Variants in SOCS2 observed in about 807,000 individuals in gnomAD.
SOCS2 encodes CIS-2.
In SOCS2, 10 loss-of-function variants were observed where a neutral mutation model predicts 18.6. That is an observed-to-expected ratio of 0.54 (90% CI 0.33 to 0.91). The LOEUF (loss-of-function observed/expected upper bound fraction) is 0.91, where lower values mean the gene tolerates loss of function less well. SOCS2 is among the 40% of genes least tolerant of loss of function. The pLI, the probability that SOCS2 is intolerant of heterozygous loss-of-function variation, is 0.02. For synonymous variants in SOCS2, 104 were observed against 104.0 expected (o/e 1.00, Z 0.00); for missense variants, 231 against 247.2 (o/e 0.93, Z 0.44).
chr12:93,595,495 C>A, the SOCS2 span, among the ~76,000 whole-genome samples: 6 of 152,198 alleles, frequency 3.9e-5, no homozygotes, highest in Non-Finnish European at 7.4e-5. Context: ...TCTCACATTT[C>A]TTGCATGTGT....
the SOCS2 span, among the ~76,000 whole-genome samples, chr12:93,621,070 T>C: frequency 1.3e-5 from 2 of 152,194 alleles, no homozygotes; most frequent in African/African-American, 4.8e-5. Context: ...TCAGTGCAAC[T>C]CTTGTCCTTT....
chr12:93,574,699 T>G, intron 1 of SOCS2, 23 bp from the exon 2 acceptor site: 1 of 1,529,508 alleles, frequency 6.5e-7, no homozygotes, highest in Non-Finnish European at 8.8e-7. Context: ...TCTTTTCTTT[T>G]TCTTTTTGAA....
At chr12:93,572,529 G>A (rs1954292291), upstream of SOCS2, 1 of 432,876 alleles carries the variant, frequency 2.3e-6, no homozygotes, top group Non-Finnish European at 4.3e-6. The surrounding 1 kb of genome is among the most constrained non-coding windows in gnomAD (Gnocchi z 5.0). Context: ...TTTCTCTAGA[G>A]CTGGGCCAGG....
At chr12:93,618,115 C>T in the SOCS2 span, among the ~76,000 whole-genome samples, 1 of 152,148 alleles carries the variant, frequency 6.6e-6, no homozygotes, top group Non-Finnish European at 1.5e-5. Context: ...ACCTCCCACT[C>T]TCTCTTCCGC....
In SOCS2 at chr12:93,572,957, G is replaced by C. The variant is rs767100812; in HGVS notation, c.60G>C (p.Trp20Cys). 1 of 1,568,424 alleles carries C rather than the reference G, an allele frequency of 6.4e-7. No homozygotes were observed. Among genetic ancestry groups the C allele is most frequent in the Admixed American group, 1.9e-5 (1 of 53,954 alleles). ...GNGGEGTRSQWGTAGSAEEPS... is the reference protein window; with the variant it reads ...GNGGEGTRSQCGTAGSAEEPS... ...GCGGGGAAGGGACGCGGAGCCAGTG[G>C]GGGACCGCGGGGTCGGCGGAGGAGC... Residue 20 changes from tryptophan to cysteine, a missense_variant, in exon 1 of 2, where the codon TGG (tryptophan) becomes TGC (cysteine). Trp to Cys is a radical substitution (Grantham distance 215). Coordinates refer to ENST00000551556, the MANE Select transcript of SOCS2 (RefSeq NM_001270471.2). The surrounding 1 kb of genome is among the most constrained non-coding windows in gnomAD (Gnocchi z 5.0).
chr12:93,574,804 T>A lies in SOCS2; in HGVS notation c.222T>A (p.Asp74Glu), dbSNP rs1367297181. 6.2e-7 allele frequency: 1 copy of A among 1,614,190 alleles called. No individual in the cohort carries two copies. The change falls in exon 2 of 2, where the codon GAT becomes GAA. Residue 74 changes from aspartate (D) to glutamate (E), a missense_variant. Asp to Glu is a conservative substitution (Grantham distance 45). Transcript: ENST00000551556. ...CAGAAGGAACTTTCTTGATTAGAGATAGCTCGCATTCAGACTACCTACTAA... is the reference window on the plus strand; with the variant it reads ...CAGAAGGAACTTTCTTGATTAGAGAAAGCTCGCATTCAGACTACCTACTAA... The part of the protein sequence containing the change: ...EAPEGTFLIR[D>E]SSHSDYLLTI...
At chr12:93,588,936 TG>T in the SOCS2 span, among the ~76,000 whole-genome samples, 1 of 152,186 alleles carries the variant, frequency 6.6e-6, no homozygotes, top group African/African-American at 2.4e-5. Flanking sequence ...AGAGTGAATT[TG>T]TTGATAGATC....
At chr12:93,591,413 G>A in the SOCS2 span, among the ~76,000 whole-genome samples, 1 of 152,212 alleles carries the variant, frequency 6.6e-6, no homozygotes, top group South Asian at 2.1e-4. Context: ...AGGAGAAAGC[G>A]TGTGTGCGTT....
At chr12:93,584,471 A>C (rs1366705986), downstream of SOCS2, among the ~76,000 whole-genome samples, 1 of 152,134 alleles carries the variant, frequency 6.6e-6, no homozygotes, top group East Asian at 1.9e-4. Context: ...AGCCACTCTG[A>C]CTCAAAAGCC....
Position 93,574,979 on chromosome 12 carries a change from T to G in SOCS2, c.397T>G (p.Cys133Gly). ...TCTGATCGACTACTATGTTCAGATGTGCAAGGATAAGCGGACAGGTCCAGA... is the reference window on the plus strand; with the variant it reads ...TCTGATCGACTACTATGTTCAGATGGGCAAGGATAAGCGGACAGGTCCAGA... ...VHLIDYYVQM[C>G]KDKRTGPEAP... The change falls in exon 2 of 2, where the codon TGC becomes GGC. Residue 133 changes from cysteine to glycine, a missense_variant. Coordinates refer to ENST00000551556, the MANE Select transcript of SOCS2 (RefSeq NM_001270471.2). 3.1e-6 allele frequency: 5 copies of G among 1,614,146 alleles called. No homozygotes were observed. The highest frequency in any genetic ancestry group is 4.2e-6 in the Non-Finnish European group (5 of 1,180,016).
intron 1 of SOCS2, chr12:93,574,436 T>C (rs1047263041): frequency 1.8e-5 from 5 of 270,366 alleles, no homozygotes; most frequent in Non-Finnish European, 2.8e-5. Context: ...CAGATGTTCT[T>C]TTGGTTCATT....
downstream of SOCS2, among the ~76,000 whole-genome samples, chr12:93,587,108 C>A (rs2136718185): frequency 6.6e-6 from 1 of 152,296 alleles, no homozygotes; most frequent in Admixed American, 6.5e-5. Flanking sequence ...GCAGAGGTTG[C>A]AGTGTGCTGA....
At position 93,574,710 on chromosome 12, in the gene SOCS2, C is replaced by G; in HGVS notation, c.140-12C>G. ...ACCCTCTTTTCTTTTTCTTTTTGAACAAAAACCCCAGGATGGTACTGGGGA... is the reference window on the plus strand; with the variant it reads ...ACCCTCTTTTCTTTTTCTTTTTGAAGAAAAACCCCAGGATGGTACTGGGGA... On this transcript the variant is annotated splice_polypyrimidine_tract_variant and intron_variant, in intron 1 of 1. Coordinates refer to ENST00000551556, the MANE Select transcript of SOCS2 (RefSeq NM_001270471.2). The G allele has an allele frequency of 1.3e-6, 2 of 1,554,476 alleles. No individual in the cohort carries two copies. Among genetic ancestry groups the G allele is most frequent in the Middle Eastern group, 1.7e-4 (1 of 5,792 alleles).
the SOCS2 span, among the ~76,000 whole-genome samples, chr12:93,601,940 G>A: frequency 3.3e-5 from 5 of 152,066 alleles, no homozygotes; most frequent in Non-Finnish European, 5.9e-5. Flanking sequence ...ATCTTTAAGA[G>A]ATTTAACAAC....
the SOCS2 span, among the ~76,000 whole-genome samples, chr12:93,616,638 G>T: frequency 6.6e-6 from 1 of 152,178 alleles, no homozygotes; most frequent in African/African-American, 2.4e-5. Flanking sequence ...ACAGAGAGCA[G>T]AATTAGGCAG....
the SOCS2 span, among the ~76,000 whole-genome samples, chr12:93,590,109 TG>T: frequency 1.3e-5 from 2 of 151,772 alleles, no homozygotes; most frequent in Non-Finnish European, 2.9e-5. Context: ...AAAATTGGCC[TG>T]GTGTGGTGGT....
At chr12:93,606,272 T>G in the SOCS2 span, among the ~76,000 whole-genome samples, 1 of 152,174 alleles carries the variant, frequency 6.6e-6, no homozygotes, top group Non-Finnish European at 1.5e-5. Flanking sequence ...TGGGGTTCTA[T>G]TCCTGTAGAA....
chr12:93,586,184 C>T (rs1954584157), downstream of SOCS2, among the ~76,000 whole-genome samples: 1 of 152,166 alleles, frequency 6.6e-6, no homozygotes, highest in African/African-American at 2.4e-5. Flanking sequence ...ACCGGAAGTT[C>T]TTCTGATCTT....
chr12:93,573,061 C>G, intron 1 of SOCS2, 25 bp downstream of exon 1: 1 of 1,553,204 alleles, frequency 6.4e-7, no homozygotes, highest in Non-Finnish European at 8.7e-7. Flanking sequence ...GGCCGCGACG[C>G]GTGCGGGAGG....
Sources: allele counts gnomAD v4.1 joint callset (sites outside exome capture counted in the v4.1 genomes callset), GRCh38; gene constraint gnomAD v4.1.1; non-coding constraint Gnocchi (gnomAD v3.1); transcripts MANE v1.5; gene names NCBI Gene and HGNC (gene_info 2026-07-23, HGNC 2026-07-21).